The following TGFBR3 variants were observed in gnomAD, a reference collection of about 807,000 sequenced individuals.
The protein encoded by TGFBR3 is transforming growth factor beta receptor type 3.
A neutral mutation model predicts 87.9 loss-of-function variants in TGFBR3; 46 were observed. That is an observed-to-expected ratio of 0.52 (90% confidence interval 0.41 to 0.67). The LOEUF is 0.67. Among genes scored for constraint, TGFBR3 ranks in the 30% least tolerant of loss-of-function variants. The pLI is 0.00. For missense variants in TGFBR3, 866 were observed against 1,041.9 expected, an observed-to-expected ratio of 0.83 and a Z score of 2.32; for synonymous variants, 381 against 391.6, an observed-to-expected ratio of 0.97 and a Z score of 0.32.
At chr1:91,836,662 A>G (rs1244790856) in intron 2 of TGFBR3, among the ~76,000 whole-genome samples, 3 of 152,052 alleles carry the variant, frequency 2.0e-5, no homozygotes, top group Non-Finnish European at 2.9e-5. Context: ...ATATATTTCT[A>G]TTGTATTTAT....
chr1:91,748,158 T>A (rs1465732628), intron 4 of TGFBR3, among the ~76,000 whole-genome samples: 1 of 152,216 alleles, frequency 6.6e-6, no homozygotes, highest in Non-Finnish European at 1.5e-5. Flanking sequence ...GAAATAACTG[T>A]GGTTGGAGCC....
chr1:91,713,670 T>A (rs1041860531), intron 12 of TGFBR3, among the ~76,000 whole-genome samples: 1 of 152,168 alleles, frequency 6.6e-6, no homozygotes, highest in East Asian at 1.9e-4. Flanking sequence ...TCCTACGTGG[T>A]GGTTAACTGC....
Position 91,681,131 on chromosome 1 carries a change from T to C in TGFBR3, c.*2608A>G. ...AGTTCAGCTGAAATACAACAATACTTTTAAAGAAACTTGTAGTACACGTTA... is the reference window on the plus strand; with the variant it reads ...AGTTCAGCTGAAATACAACAATACTCTTAAAGAAACTTGTAGTACACGTTA... On this transcript the variant is annotated 3_prime_UTR_variant, in exon 17 of 17. Transcript: ENST00000212355. 2.2e-6 allele frequency: 1 copy of C among 454,124 alleles called. No homozygotes were observed. The highest frequency in any genetic ancestry group is 4.4e-6 in the Non-Finnish European group (1 of 226,792). The allele number at this position is 454,124 out of a possible 1,614,324, so 28.1% of individuals were successfully genotyped here. A position where few individuals can be genotyped will look rare whatever the true frequency, so the allele number is the denominator to read the frequency against.
At position 91,706,343 on chromosome 1, in the gene TGFBR3, G is replaced by A. The variant is rs553718872; in HGVS notation, c.2287+2320C>T. ...GCAGGATGCAGTAAAGAAGCCAGCC[G>A]AAACTGGCCAAAAACCACCAAAACC... On this transcript the variant is annotated intron_variant, in intron 14 of 16. Coordinates refer to ENST00000212355, the MANE Select transcript of TGFBR3 (RefSeq NM_003243.5). 8.5e-5 allele frequency among the ~76,000 whole-genome samples: 13 copies of A among 152,270 alleles called. No individual in the cohort carries two copies. In the East Asian group the frequency reaches 9.6e-4, roughly 11 times the overall value.
intron 2 of TGFBR3, among the ~76,000 whole-genome samples, chr1:91,858,471 T>A (rs1678046881): frequency 6.6e-6 from 1 of 151,760 alleles, no homozygotes; most frequent in Admixed American, 6.6e-5. Flanking sequence ...AAAAATTAGC[T>A]GGGCGTGGCA....
In TGFBR3 at chr1:91,729,242, A is replaced by G. The variant is rs563597710; in HGVS notation, c.737+563T>C. Reference sequence around the variant, plus strand: ...AAGTTCTATCGAATGGCTCTTTGGTATGGCACCATGAAGAGCCACTCCACC... The same window carrying G: ...AAGTTCTATCGAATGGCTCTTTGGTGTGGCACCATGAAGAGCCACTCCACC... On this transcript the variant is annotated intron_variant, in intron 6 of 16. Coordinates refer to ENST00000212355, the MANE Select transcript of TGFBR3 (RefSeq NM_003243.5). Among the ~76,000 whole-genome samples the G allele has an allele frequency of 4.0e-4, 58 of 144,014 alleles. 3 individuals carry two copies. Among genetic ancestry groups the G allele is most frequent in the African/African-American group, 1.4e-3 (54 of 38,688 alleles). The allele number at this position is 144,014 out of a possible 152,430, so 94.5% of individuals were successfully genotyped here.
chr1:91,765,584 C>T (rs554574249), intron 3 of TGFBR3, among the ~76,000 whole-genome samples: 4 of 151,914 alleles, frequency 2.6e-5, no homozygotes, highest in African/African-American at 9.7e-5. Context: ...TGTAAGACAG[C>T]GTAGAATGGC....
intron 5 of TGFBR3, among the ~76,000 whole-genome samples, chr1:91,731,869 G>C (rs545791059): frequency 6.6e-6 from 1 of 152,314 alleles, no homozygotes; most frequent in South Asian, 2.1e-4. Flanking sequence ...TTGTTCAAAA[G>C]TTGATGTTAT....
intron 5 of TGFBR3, among the ~76,000 whole-genome samples, chr1:91,731,758 T>C (rs1008054173): frequency 3.3e-5 from 5 of 152,316 alleles, no homozygotes; most frequent in Middle Eastern, 3.4e-3. Context: ...TGGCACATAG[T>C]GGGCATATGG....
At chr1:91,794,286 C>A (rs1675296680) in intron 3 of TGFBR3, among the ~76,000 whole-genome samples, 1 of 152,088 alleles carries the variant, frequency 6.6e-6, no homozygotes, top group African/African-American at 2.4e-5. Flanking sequence ...TCACTGCAAC[C>A]TCCACCTCCT....
intron 14 of TGFBR3, among the ~76,000 whole-genome samples, chr1:91,706,133 C>T (rs947057570): frequency 2.0e-5 from 3 of 152,156 alleles, no homozygotes; most frequent in Admixed American, 6.5e-5. Flanking sequence ...AGATGGAATC[C>T]GAGGTAGCTG....
chr1:91,852,349 C>A (rs1557744570), intron 2 of TGFBR3, among the ~76,000 whole-genome samples: 1 of 152,216 alleles, frequency 6.6e-6, no homozygotes, highest in Admixed American at 6.5e-5. Context: ...AATGAACTCA[C>A]CTTTCTCTCA....
intron 5 of TGFBR3, among the ~76,000 whole-genome samples, chr1:91,730,628 A>G (rs1672734158): frequency 6.6e-6 from 1 of 152,098 alleles, no homozygotes; most frequent in South Asian, 2.1e-4. Context: ...TCTATCCCCA[A>G]ATGCACTCCT....
At chr1:91,737,229 C>G (rs1027763924) in intron 4 of TGFBR3, among the ~76,000 whole-genome samples, 1 of 152,072 alleles carries the variant, frequency 6.6e-6, no homozygotes, top group African/African-American at 2.4e-5. Flanking sequence ...GTGAGGTGTC[C>G]CTGACTGCAG....
At chr1:91,845,652 T>A (rs1398329553) in intron 2 of TGFBR3, among the ~76,000 whole-genome samples, 1 of 152,212 alleles carries the variant, frequency 6.6e-6, no homozygotes. Context: ...TGTTTACCTG[T>A]TTCTTCCTTT....
chr1:91,784,473 C>T (rs899641081), intron 3 of TGFBR3, among the ~76,000 whole-genome samples: 2 of 152,194 alleles, frequency 1.3e-5, no homozygotes, highest in Non-Finnish European at 2.9e-5. Flanking sequence ...AATTAACACA[C>T]ACGATTCAGC....
intron 2 of TGFBR3, among the ~76,000 whole-genome samples, chr1:91,894,503 A>G (rs1679513180): frequency 6.6e-6 from 1 of 152,168 alleles, no homozygotes; most frequent in Admixed American, 6.5e-5. Context: ...ATCAGATCCA[A>G]TCAGATCACT....
At chr1:91,865,905 A>C (rs115077972) in intron 1 of TGFBR3, among the ~76,000 whole-genome samples, 8,981 of 127,728 alleles carry the variant, frequency 0.07, 556 homozygotes, top group African/African-American at 0.19. Flanking sequence ...GAGCGAGACT[A>C]CGTCTCCCAA....
intron 2 of TGFBR3, among the ~76,000 whole-genome samples, chr1:91,850,080 C>CAAAAAAAAAAA (rs376631972): frequency 1.7e-4 from 9 of 52,122 alleles, no homozygotes; most frequent in African/African-American, 4.0e-4. Context: ...GACTCCATCT[C>CAAAAAAAAAAA]AAAAAAAAAA....
Sources: allele counts gnomAD v4.1 joint callset (sites outside exome capture counted in the v4.1 genomes callset), GRCh38; gene constraint gnomAD v4.1.1; transcripts MANE v1.5; gene names NCBI Gene and HGNC (gene_info 2026-07-23, HGNC 2026-07-21).